SLC6A2: variants seen among roughly 807,000 people sequenced by gnomAD.
The protein encoded by SLC6A2 is solute carrier family 6 member 2.
SLC6A2 carries 26 observed loss-of-function variants against 71.7 expected under a neutral mutation model. The ratio of observed to expected loss-of-function variants is 0.36; its 90% CI spans 0.27 to 0.50. The LOEUF is 0.50. Among genes scored for constraint, SLC6A2 ranks in the 20% least tolerant of loss-of-function variants. The pLI, the probability that SLC6A2 is intolerant of heterozygous loss-of-function variation, is 0.96. For missense variants in SLC6A2, 581 were observed against 803.9 expected (o/e 0.72, Z 3.35); for synonymous variants, 363 against 337.9 (o/e 1.07, Z -0.82).
intron 2 of SLC6A2, among the ~76,000 whole-genome samples, chr16:55,660,817 T>G (rs1156300544): frequency 2.6e-5 from 4 of 152,242 alleles, no homozygotes; most frequent in African/African-American, 7.2e-5. Flanking sequence ...GCTCTTCTGG[T>G]GCCAGTATTA....
intron 4 of SLC6A2, among the ~76,000 whole-genome samples, chr16:55,680,098 G>A (rs889326458): frequency 5.9e-5 from 9 of 152,172 alleles, no homozygotes; most frequent in Non-Finnish European, 8.8e-5. Flanking sequence ...CCTCCAGTGA[G>A]AACCACTGTT....
chr16:55,679,506 C>T (rs540061820), intron 4 of SLC6A2, among the ~76,000 whole-genome samples: 88 of 152,244 alleles, frequency 5.8e-4, no homozygotes, highest in Admixed American at 1.2e-3. Flanking sequence ...GGATTGAAGG[C>T]GTGAGCCACC....
Position 55,695,407 on chromosome 16 carries a change from G to T in SLC6A2, c.1147+5G>T. On this transcript the variant is annotated splice_donor_5th_base_variant and intron_variant, in intron 8 of 14. Coordinates refer to ENST00000568943, the MANE Select transcript of SLC6A2 (RefSeq NM_001172501.3). ...TTGAGGATGTGGCCACAGAAGGTGG[G>T]TGGGCAGCCCACCTGGGCCCCAGCC... 6.2e-7 allele frequency: 1 copy of T among 1,614,168 alleles called. No individual in the cohort carries two copies. The highest frequency in any genetic ancestry group is 8.5e-7 in the Non-Finnish European group (1 of 1,180,010).
rs1388745398 is a variant in SLC6A2 at position 55,694,948 on chromosome 16, GC to G, written c.1023-329del. On this transcript the variant is annotated intron_variant, in intron 7 of 14. Transcript: ENST00000568943. ...CATGGAAGATAAATATATAAGGAAGGCTGGGTCTTCTTAGCAAAGCTCTTGA... is the reference window on the plus strand; with the variant it reads ...CATGGAAGATAAATATATAAGGAAGGTGGGTCTTCTTAGCAAAGCTCTTGA... Among the ~76,000 whole-genome samples the G allele has an allele frequency of 2.0e-5, 3 of 152,174 alleles. No individual in the cohort carries two copies. In the East Asian group the frequency reaches 5.8e-4, roughly 29 times the overall value.
At chr16:55,671,342 C>T (rs1964904347) in intron 3 of SLC6A2, among the ~76,000 whole-genome samples, 1 of 152,036 alleles carries the variant, frequency 6.6e-6, no homozygotes, top group Non-Finnish European at 1.5e-5. Context: ...CGTGGCTGCC[C>T]ACTGGGGGCA....
chr16:55,663,059 G>A (rs1964652855), intron 2 of SLC6A2, among the ~76,000 whole-genome samples: 2 of 152,156 alleles, frequency 1.3e-5, no homozygotes, highest in African/African-American at 4.8e-5. Context: ...ATGAGCCCCA[G>A]GTTGTTTTAC....
intron 13 of SLC6A2, among the ~76,000 whole-genome samples, chr16:55,700,709 TCTG>T: frequency 6.6e-6 from 1 of 152,314 alleles, no homozygotes; most frequent in Middle Eastern, 3.4e-3. Context: ...CCCACTGTGA[TCTG>T]CTCCTTCTGG....
chr16:55,658,367 G>T (rs1477609711), intron 2 of SLC6A2, among the ~76,000 whole-genome samples: 1 of 152,116 alleles, frequency 6.6e-6, no homozygotes, highest in African/African-American at 2.4e-5. Flanking sequence ...CAAAAACTTA[G>T]CTGGGCGTAG....
At chr16:55,695,496 G>T in intron 8 of SLC6A2, 94 bp downstream of exon 8, 1 of 1,429,590 alleles carries the variant, frequency 7.0e-7, no homozygotes, top group Non-Finnish European at 9.8e-7. Context: ...GTGGCTGTAG[G>T]AATACTGGGT....
intron 4 of SLC6A2, among the ~76,000 whole-genome samples, chr16:55,679,066 G>A (rs888651942): frequency 1.3e-5 from 2 of 152,150 alleles, no homozygotes; most frequent in Non-Finnish European, 2.9e-5. Context: ...AAGTTTCAGG[G>A]CAAGGATGAT....
intron 5 of SLC6A2, among the ~76,000 whole-genome samples, chr16:55,688,477 A>C (rs1166960766): frequency 2.0e-5 from 3 of 152,238 alleles, no homozygotes; most frequent in Non-Finnish European, 4.4e-5. Flanking sequence ...ATTCTAAATC[A>C]GTAAAGGGTA....
chr16:55,679,369 G>T (rs1965196809), intron 4 of SLC6A2, among the ~76,000 whole-genome samples: 1 of 152,076 alleles, frequency 6.6e-6, no homozygotes, highest in African/African-American at 2.4e-5. Context: ...TGGGACTACA[G>T]GTGTGTGCCA....
intron 5 of SLC6A2, among the ~76,000 whole-genome samples, 184 bp from the exon 6 acceptor site, chr16:55,691,734 C>T (rs1965635410): frequency 6.6e-6 from 1 of 152,190 alleles, no homozygotes; most frequent in African/African-American, 2.4e-5. Context: ...TGTCCGTTTG[C>T]TGGTCTAGCC....
intron 5 of SLC6A2, among the ~76,000 whole-genome samples, chr16:55,690,548 G>A (rs1050025432): frequency 2.0e-5 from 3 of 152,054 alleles, no homozygotes; most frequent in Non-Finnish European, 4.4e-5. Flanking sequence ...TAGGTTATAG[G>A]CCTTCTCATG....
chr16:55,690,273 A>G (rs1220416273), intron 5 of SLC6A2, among the ~76,000 whole-genome samples: 1 of 152,222 alleles, frequency 6.6e-6, no homozygotes, highest in Non-Finnish European at 1.5e-5. Flanking sequence ...TCAGGTTTGA[A>G]AAATATAGGA....
At chr16:55,660,149 G>C (rs571151425) in intron 2 of SLC6A2, among the ~76,000 whole-genome samples, 7 of 152,108 alleles carry the variant, frequency 4.6e-5, no homozygotes, top group Non-Finnish European at 5.9e-5. Context: ...GCAGACAAGC[G>C]GTGAGAAGGG....
chr16:55,671,932 G>A lies in SLC6A2; in HGVS notation c.407-6G>A, dbSNP rs200990396. The A allele has an allele frequency of 1.5e-5, 25 of 1,613,948 alleles. No homozygotes were observed. Among genetic ancestry groups the A allele is most frequent in the Admixed American group, 1.5e-4 (9 of 59,988 alleles). On this transcript the variant is annotated splice_polypyrimidine_tract_variant and splice_region_variant and intron_variant, in intron 3 of 14. Coordinates refer to ENST00000568943, the MANE Select transcript of SLC6A2 (RefSeq NM_001172501.3). Reference sequence around the variant, plus strand: ...GACTCCTACCTTACCCCCTGTCCCTGCCCAGGCGTTGGCTATGCTGTCATC... The same window carrying A: ...GACTCCTACCTTACCCCCTGTCCCTACCCAGGCGTTGGCTATGCTGTCATC...
intron 5 of SLC6A2, among the ~76,000 whole-genome samples, chr16:55,691,245 GAGAGAGAGAGA>G: frequency 9.6e-6 from 1 of 104,212 alleles, no homozygotes; most frequent in Non-Finnish European, 1.9e-5. Flanking sequence ...GAGAGAGAGA[GAGAGAGAGAGA>G]GAGAGAGAGA....
intron 2 of SLC6A2, among the ~76,000 whole-genome samples, chr16:55,667,455 A>G (rs188611671): frequency 2.0e-5 from 3 of 152,354 alleles, no homozygotes; most frequent in Non-Finnish European, 2.9e-5. Context: ...GCAGCTTGGC[A>G]TATAACAGGT....
Sources: gnomAD v4.1 joint callset for allele counts (sites outside exome capture counted in the v4.1 genomes callset) on GRCh38, gnomAD v4.1.1 for gene constraint, MANE v1.5 for transcripts, NCBI Gene and HGNC (gene_info 2026-07-23, HGNC 2026-07-21) for gene names.